The following HMGB1 variants were observed in gnomAD, a reference collection of about 807,000 sequenced individuals.
The protein encoded by HMGB1 is high mobility group protein B1.
For missense variants in HMGB1, 79 were observed against 253.5 expected (o/e 0.31, Z 4.67); for synonymous variants, 81 against 84.0 (o/e 0.96, Z 0.19).
chr13:30,557,457 A>G (rs1566024506), intron 1 of HMGB1, among the ~76,000 whole-genome samples: 1 of 152,182 alleles, frequency 6.6e-6, no homozygotes, highest in Non-Finnish European at 1.5e-5. Flanking sequence ...TTAGGGAGCA[A>G]GCCTCCAAGG....
At chr13:30,462,825 G>T in intron 3 of HMGB1, 113 bp from the exon 4 acceptor site, 1 of 809,748 alleles carries the variant, frequency 1.2e-6, no homozygotes, top group Non-Finnish European at 2.0e-6. Flanking sequence ...GTGATGCATT[G>T]GACAGGGTGC....
At chr13:30,554,693 T>G in intron 1 of HMGB1, 1 of 770,980 alleles carries the variant, frequency 1.3e-6, no homozygotes, top group Non-Finnish European at 2.4e-6. Context: ...AAGAGAACAG[T>G]GAGAATGCTC....
chr13:30,556,773 A>G (rs1032590930), intron 1 of HMGB1, among the ~76,000 whole-genome samples: 1 of 152,232 alleles, frequency 6.6e-6, no homozygotes, highest in African/African-American at 2.4e-5. Context: ...TGACAGAGAG[A>G]TTTGTTAAAA....
intron 1 of HMGB1, among the ~76,000 whole-genome samples, chr13:30,502,648 A>ATTTATTTTATTTTAT (rs56283529): frequency 0.012 from 1,816 of 146,326 alleles, 15 homozygotes; most frequent in East Asian, 0.038. Context: ...ACTTTATTTT[A>ATTTATTTTATTTTAT]TTTATTTTAT....
chr13:30,586,777 C>T (rs1871173170), intron 1 of HMGB1, among the ~76,000 whole-genome samples: 1 of 152,116 alleles, frequency 6.6e-6, no homozygotes, highest in South Asian at 2.1e-4. Flanking sequence ...AATCTTTTTC[C>T]TATGATTTCT....
At chr13:30,472,215 G>C (rs954141466) in intron 1 of HMGB1, among the ~76,000 whole-genome samples, 11 of 152,106 alleles carry the variant, frequency 7.2e-5, no homozygotes, top group Admixed American at 2.6e-4. Flanking sequence ...GGGGGCGGAA[G>C]TTGCAGTGAA....
chr13:30,524,679 G>A (rs1888322710), intron 1 of HMGB1, among the ~76,000 whole-genome samples: 1 of 144,172 alleles, frequency 6.9e-6, no homozygotes, highest in Non-Finnish European at 1.5e-5. Context: ...GCAAGACTCT[G>A]TCTCAAAAAT....
At chr13:30,464,162 G>A in intron 1 of HMGB1, 1 of 984,066 alleles carries the variant, frequency 1.0e-6, no homozygotes, top group African/African-American at 1.8e-5. Flanking sequence ...AAAAATCACC[G>A]TGCACCGAAA....
chr13:30,505,533 A>T (rs192309698), intron 1 of HMGB1, among the ~76,000 whole-genome samples: 70 of 151,412 alleles, frequency 4.6e-4, no homozygotes, highest in African/African-American at 1.7e-3. Flanking sequence ...CTGGTCTCGA[A>T]CTCCTGGCCT....
upstream of HMGB1, among the ~76,000 whole-genome samples, chr13:30,468,633 CAAGTTTAACAGAGACTATATCAGAGAGAA>C (rs1196238692): frequency 9.2e-5 from 14 of 152,116 alleles, no homozygotes; most frequent in Admixed American, 9.2e-4. Context: ...TATTTATTCC[CAAGTTTAACAGAGACTATATCAGAGAGAA>C]GAGTTTAAAA....
chr13:30,579,273 C>A (rs978325063), intron 1 of HMGB1, among the ~76,000 whole-genome samples: 1 of 152,112 alleles, frequency 6.6e-6, no homozygotes, highest in African/African-American at 2.4e-5. Context: ...ACTTTTCACG[C>A]TATAGGCCAT....
chr13:30,583,528 CAAAAAAAAAAAAAA>C (rs35519297), intron 1 of HMGB1, among the ~76,000 whole-genome samples: 2 of 66,964 alleles, frequency 3.0e-5, no homozygotes, highest in Non-Finnish European at 5.8e-5. Flanking sequence ...ACCTGGTCTC[CAAAAAAAAAAAAAA>C]AAAAAAAAAG....
At chr13:30,514,986 A>G (rs1888071601) in intron 1 of HMGB1, among the ~76,000 whole-genome samples, 1 of 152,224 alleles carries the variant, frequency 6.6e-6, no homozygotes, top group African/African-American at 2.4e-5. Flanking sequence ...AGGTTGTGTT[A>G]GATGGCACAG....
chr13:30,462,850 A>T, intron 3 of HMGB1, 138 bp from the exon 4 acceptor site: 1 of 687,514 alleles, frequency 1.5e-6, no homozygotes. Context: ...ACTATAATAT[A>T]CTAAATATCC....
In HMGB1 at chr13:30,538,498, C is replaced by CTTTCTTTCTTTCTTTCTTTTTCTTTA. The variant is rs1566018767; in HGVS notation, c.-14-74805_-14-74804insTAAAGAAAAAGAAAGAAAGAAAGAAA. Among the ~76,000 whole-genome samples the CTTTCTTTCTTTCTTTCTTTTTCTTTA allele has an allele frequency of 1.3e-4, 2 of 15,798 alleles. 1 individual carries two copies. Among genetic ancestry groups the CTTTCTTTCTTTCTTTCTTTTTCTTTA allele is most frequent in the African/African-American group, 2.1e-4 (2 of 9,620 alleles). 10.4% of individuals were successfully genotyped at this position (15,798 alleles called of 152,430 possible). ...TCTTTCTTTCTTTCTTTCTTTCTTT[C>CTTTCTTTCTTTCTTTCTTTTTCTTTA]TTTCTTTCTTTCCTTTCTTTCTTTC... On this transcript the variant is annotated intron_variant, in intron 1 of 4. Coordinates refer to the HMGB1 transcript ENST00000405805.
chr13:30,464,796 A>T (rs1315000123), intron 1 of HMGB1: 143 of 103,264 alleles, frequency 1.4e-3, no homozygotes, highest in Non-Finnish European at 2.2e-3. Flanking sequence ...TGTATGAGAG[A>T]GTGTGTGAGT....
Position 30,460,111 on chromosome 13 carries a change from G to A in HMGB1, c.*1246C>T, listed in dbSNP as rs1316658154. 6.6e-6 allele frequency: 1 copy of A among 151,118 alleles called. No individual in the cohort carries two copies. Among genetic ancestry groups the A allele is most frequent in the East Asian group, 1.9e-4 (1 of 5,170 alleles). 9.4% of individuals were successfully genotyped at this position (151,118 alleles called of 1,614,324 possible). A position where few individuals can be genotyped will look rare whatever the true frequency, so the allele number is the denominator to read the frequency against. ...TCCTAAGCAGATAAACATGACTAAT[G>A]AATGAGTTTGTTTTGTAAAGAAAAA... On this transcript the variant is annotated 3_prime_UTR_variant, in exon 5 of 5. Transcript: ENST00000341423.
rs139328326 is a variant in HMGB1 at position 30,577,316 on chromosome 13, G to A, written c.-15+39355C>T. Reference sequence around the variant, plus strand: ...GATCACACCTCTGCACTCCAGCCTGGGTGACAGCATGAGACCCAGTCTCTT... The same window carrying A: ...GATCACACCTCTGCACTCCAGCCTGAGTGACAGCATGAGACCCAGTCTCTT... On this transcript the variant is annotated intron_variant, in intron 1 of 4. Transcript: ENST00000405805. 3.1e-4 allele frequency among the ~76,000 whole-genome samples: 47 copies of A among 150,952 alleles called. No individual in the cohort carries two copies. The East Asian group carries it at 9.1e-3, about 29-fold the overall frequency.
At chr13:30,482,366 T>C (rs1887251229) in intron 1 of HMGB1, among the ~76,000 whole-genome samples, 1 of 152,192 alleles carries the variant, frequency 6.6e-6, no homozygotes, top group South Asian at 2.1e-4. Context: ...AGCTCATGTT[T>C]TATTAGTTAG....
Sources: gnomAD v4.1 joint callset for allele counts (sites outside exome capture counted in the v4.1 genomes callset) on GRCh38, gnomAD v4.1.1 for gene constraint, MANE v1.5 for transcripts, NCBI Gene and HGNC (gene_info 2026-07-23, HGNC 2026-07-21) for gene names.